Variants in PTPRM observed in about 807,000 individuals in gnomAD.
PTPRM encodes receptor-type tyrosine-protein phosphatase mu.
In PTPRM, 47 loss-of-function variants were observed where a neutral mutation model predicts 186.7. The ratio of observed to expected loss-of-function variants is 0.25; its 90% CI spans 0.20 to 0.32. The LOEUF (loss-of-function observed/expected upper bound fraction) is 0.32. Among genes scored for constraint, PTPRM ranks in the 10% least tolerant of loss-of-function variants. The pLI, the probability that PTPRM is intolerant of heterozygous loss-of-function variation, is 1.00. For synonymous variants in PTPRM, 668 were observed against 674.9 expected (o/e 0.99, Z 0.16); for missense variants, 1,494 against 1,865.0 (o/e 0.80, Z 3.66).
intron 13 of PTPRM, among the ~76,000 whole-genome samples, chr18:8,135,265 A>G (rs1303082213): frequency 2.0e-5 from 3 of 152,308 alleles, no homozygotes; most frequent in South Asian, 4.1e-4. Flanking sequence ...AGTGCAATCA[A>G]TGATGGAAAT....
intron 13 of PTPRM, among the ~76,000 whole-genome samples, chr18:8,141,261 G>C (rs541495557): frequency 6.6e-6 from 1 of 152,118 alleles, no homozygotes; most frequent in Admixed American, 6.6e-5. Context: ...CCAAACACCC[G>C]ACTCAACCGG....
chr18:7,756,266 A>G (rs1306669831), intron 1 of PTPRM, among the ~76,000 whole-genome samples: 1 of 152,216 alleles, frequency 6.6e-6, no homozygotes, highest in Admixed American at 6.5e-5. Flanking sequence ...GCAAACAAGC[A>G]GTTAATTCTG....
chr18:8,211,021 C>T (rs191486042), intron 14 of PTPRM, among the ~76,000 whole-genome samples: 730 of 152,294 alleles, frequency 4.8e-3, no homozygotes, highest in Non-Finnish European at 8.1e-3. Context: ...GATTTAGCAA[C>T]ATGGAGGTCA....
At chr18:8,204,714 T>C (rs1379904548) in intron 14 of PTPRM, among the ~76,000 whole-genome samples, 2 of 151,968 alleles carry the variant, frequency 1.3e-5, no homozygotes, top group Non-Finnish European at 2.9e-5. Flanking sequence ...AGAAAATGAC[T>C]GCATTGAGAG....
At chr18:7,587,253 A>G (rs2037003038) in intron 1 of PTPRM, among the ~76,000 whole-genome samples, 1 of 152,156 alleles carries the variant, frequency 6.6e-6, no homozygotes, top group African/African-American at 2.4e-5. Flanking sequence ...CTGTGGGTAG[A>G]TATTACTTAC....
chr18:8,072,359 A>G (rs915205127), intron 8 of PTPRM, among the ~76,000 whole-genome samples: 2 of 152,178 alleles, frequency 1.3e-5, no homozygotes, highest in African/African-American at 4.8e-5. Context: ...AATTCCATCA[A>G]AACATGAGGA....
At chr18:8,125,367 C>T (rs2092306486) in intron 13 of PTPRM, among the ~76,000 whole-genome samples, 1 of 151,874 alleles carries the variant, frequency 6.6e-6, no homozygotes, top group Non-Finnish European at 1.5e-5. Context: ...ACTTCTTGAC[C>T]CCAATCAATG....
chr18:8,390,425 T>G (rs1226408616), intron 31 of PTPRM, among the ~76,000 whole-genome samples: 1 of 152,242 alleles, frequency 6.6e-6, no homozygotes, highest in Admixed American at 6.5e-5. Context: ...ACGTGGACTT[T>G]CATTAAAATT....
intron 19 of PTPRM, among the ~76,000 whole-genome samples, chr18:8,267,510 A>G (rs1194174473): frequency 6.6e-6 from 1 of 152,148 alleles, no homozygotes; most frequent in East Asian, 1.9e-4. Flanking sequence ...AAGGCATTAC[A>G]ATCTTAACAC....
chr18:8,007,944 C>T (rs2084289064), intron 7 of PTPRM, among the ~76,000 whole-genome samples: 2 of 152,140 alleles, frequency 1.3e-5, no homozygotes, highest in Admixed American at 1.3e-4. Flanking sequence ...TAAGTGCGTT[C>T]CTGCCTGGGC....
At chr18:8,078,335 A>G (rs1292726676) in intron 9 of PTPRM, among the ~76,000 whole-genome samples, 1 of 152,184 alleles carries the variant, frequency 6.6e-6, no homozygotes, top group Non-Finnish European at 1.5e-5. Context: ...CTGAAGATAC[A>G]TGTTGACCCA....
At chr18:8,384,089 G>T (rs1428905692) in intron 29 of PTPRM, among the ~76,000 whole-genome samples, 1 of 152,198 alleles carries the variant, frequency 6.6e-6, no homozygotes, top group African/African-American at 2.4e-5. Flanking sequence ...CAGCAAGGAA[G>T]TCCAAAAGCC....
intron 1 of PTPRM, among the ~76,000 whole-genome samples, chr18:7,699,039 A>G (rs190460568): frequency 6.6e-6 from 1 of 152,316 alleles, no homozygotes; most frequent in Non-Finnish European, 1.5e-5. Flanking sequence ...GCCAGGGAGC[A>G]TTACTGTCTG....
chr18:7,993,096 AC>A (rs2083347657), intron 7 of PTPRM, among the ~76,000 whole-genome samples: 1 of 151,936 alleles, frequency 6.6e-6, no homozygotes, highest in African/African-American at 2.4e-5. Flanking sequence ...AATACAGTTG[AC>A]ACCTTCAGCA....
At chr18:7,946,548 G>C (rs1289970664) in intron 5 of PTPRM, among the ~76,000 whole-genome samples, 2 of 152,090 alleles carry the variant, frequency 1.3e-5, no homozygotes, top group South Asian at 2.1e-4. Context: ...TTATTTCCTG[G>C]GGTGGGGTGA....
intron 14 of PTPRM, among the ~76,000 whole-genome samples, chr18:8,180,895 A>G (rs73941039): frequency 0.067 from 10,259 of 152,188 alleles, 408 homozygotes; most frequent in Middle Eastern, 0.21. Context: ...ACATTTAACT[A>G]CTTCCTGACC....
chr18:8,074,442 T>C (rs956204032), intron 8 of PTPRM, among the ~76,000 whole-genome samples: 8 of 152,198 alleles, frequency 5.3e-5, no homozygotes, highest in Admixed American at 1.3e-4. Context: ...TTGGGTTATG[T>C]TGTAAATCTA....
chr18:8,304,782 A>C (rs998033379), intron 20 of PTPRM, among the ~76,000 whole-genome samples: 1 of 150,446 alleles, frequency 6.6e-6, no homozygotes, highest in Non-Finnish European at 1.5e-5. Flanking sequence ...GTTTCATTCC[A>C]GTCTTCTTAT....
At chr18:8,169,809 G>A (rs2093372735) in intron 14 of PTPRM, among the ~76,000 whole-genome samples, 1 of 151,758 alleles carries the variant, frequency 6.6e-6, no homozygotes, top group Non-Finnish European at 1.5e-5. Context: ...CTTAATGTTG[G>A]GTCCATTTTT....
Sources: allele counts gnomAD v4.1 joint callset (sites outside exome capture counted in the v4.1 genomes callset), GRCh38; gene constraint gnomAD v4.1.1; transcripts MANE v1.5; gene names NCBI Gene and HGNC (gene_info 2026-07-23, HGNC 2026-07-21).